Variants in ARL15 observed in about 807,000 individuals in gnomAD.
ARL15 encodes ARF like GTPase 15.
ARL15 carries 19 observed loss-of-function variants against 25.2 expected under a neutral mutation model. The ratio of observed to expected loss-of-function variants is 0.75; its 90% CI spans 0.53 to 1.10. The LOEUF is 1.10. ARL15 is among the 50% of genes least tolerant of loss of function. The pLI is 0.00. For synonymous variants in ARL15, 94 were observed against 86.8 expected, an observed-to-expected ratio of 1.08 and a Z score of -0.46; for missense variants, 220 against 246.0, an observed-to-expected ratio of 0.89 and a Z score of 0.71.
intron 4 of ARL15, among the ~76,000 whole-genome samples, chr5:54,000,492 A>G (rs1748816801): frequency 6.6e-6 from 1 of 152,210 alleles, no homozygotes; most frequent in Non-Finnish European, 1.5e-5. Context: ...AAAGGAGAGA[A>G]TGATGTAACA....
chr5:54,231,848 C>A (rs1756680037), intron 1 of ARL15, among the ~76,000 whole-genome samples: 1 of 152,158 alleles, frequency 6.6e-6, no homozygotes, highest in African/African-American at 2.4e-5. Flanking sequence ...TTTAAGACCT[C>A]ATTTAACCCT....
At chr5:54,238,003 C>T (rs749136596) in intron 1 of ARL15, among the ~76,000 whole-genome samples, 1 of 152,080 alleles carries the variant, frequency 6.6e-6, no homozygotes, top group African/African-American at 2.4e-5. Context: ...TACCAGAGGA[C>T]GTTTACTATA....
intron 4 of ARL15, among the ~76,000 whole-genome samples, chr5:53,986,266 T>C (rs760846881): frequency 6.6e-6 from 1 of 152,190 alleles, no homozygotes; most frequent in Non-Finnish European, 1.5e-5. Context: ...TCAGGCAAGA[T>C]TTTAGAACAA....
intron 1 of ARL15, among the ~76,000 whole-genome samples, chr5:54,239,956 G>A (rs1314122046): frequency 1.3e-5 from 2 of 152,112 alleles, no homozygotes; most frequent in Admixed American, 6.6e-5. Flanking sequence ...GGCCGGGCGC[G>A]GTGGCTCAGG....
At chr5:53,891,949 C>T (rs1744726081) in intron 4 of ARL15, among the ~76,000 whole-genome samples, 1 of 152,184 alleles carries the variant, frequency 6.6e-6, no homozygotes, top group Non-Finnish European at 1.5e-5. Flanking sequence ...ACAACAACAG[C>T]AGTGGTCTGA....
chr5:54,277,638 G>T (rs1757959262), intron 1 of ARL15, among the ~76,000 whole-genome samples: 1 of 152,126 alleles, frequency 6.6e-6, no homozygotes. Flanking sequence ...TGTAGTCCCA[G>T]CTACTCGGGA....
chr5:54,238,230 C>T (rs1381722293), intron 1 of ARL15, among the ~76,000 whole-genome samples: 2 of 152,080 alleles, frequency 1.3e-5, no homozygotes, highest in Non-Finnish European at 2.9e-5. Context: ...CAAAGTCACT[C>T]AATTTTTTAT....
At chr5:54,112,025 ACT>A (rs1752755784) in intron 4 of ARL15, among the ~76,000 whole-genome samples, 1 of 152,004 alleles carries the variant, frequency 6.6e-6, no homozygotes, top group Non-Finnish European at 1.5e-5. Flanking sequence ...TATTTTTCAA[ACT>A]CTATTCTTTA....
chr5:54,123,172 C>A (rs1488947164), intron 3 of ARL15, among the ~76,000 whole-genome samples: 1 of 150,666 alleles, frequency 6.6e-6, no homozygotes, highest in Admixed American at 6.6e-5. Context: ...TGCAATGGTG[C>A]CATCTCGGCT....
chr5:54,078,367 T>C (rs1751678935), intron 4 of ARL15, among the ~76,000 whole-genome samples: 1 of 152,198 alleles, frequency 6.6e-6, no homozygotes, highest in South Asian at 2.1e-4. Context: ...CTGTATATAA[T>C]TCATTGTCCA....
chr5:54,289,363 A>G (rs1234103463), intron 1 of ARL15, among the ~76,000 whole-genome samples: 1 of 120,484 alleles, frequency 8.3e-6, no homozygotes, highest in Non-Finnish European at 1.7e-5. Flanking sequence ...TCCTATGAAG[A>G]AAAAAAAAAA....
chr5:54,104,044 T>C (rs2112187396), intron 4 of ARL15, among the ~76,000 whole-genome samples: 1 of 152,298 alleles, frequency 6.6e-6, no homozygotes, highest in Admixed American at 6.5e-5. Flanking sequence ...AGTATATAGT[T>C]TGTGCAGCTG....
chr5:53,963,495 A>G (rs1242175222), intron 4 of ARL15, among the ~76,000 whole-genome samples: 1 of 152,184 alleles, frequency 6.6e-6, no homozygotes, highest in African/African-American at 2.4e-5. Flanking sequence ...AAAATTCAAG[A>G]ATATAAAATT....
At chr5:53,965,352 C>CTAAA (rs1393940088) in intron 4 of ARL15, among the ~76,000 whole-genome samples, 1 of 152,154 alleles carries the variant, frequency 6.6e-6, no homozygotes, top group African/African-American at 2.4e-5. Flanking sequence ...ATAGTGTAAG[C>CTAAA]ATTTTAAAGA....
intron 1 of ARL15, among the ~76,000 whole-genome samples, chr5:54,174,891 A>G (rs1754819834): frequency 1.3e-5 from 2 of 152,226 alleles, no homozygotes. Context: ...CAACAAAACT[A>G]GTCACACAGT....
chr5:53,886,039 A>G lies in ARL15; in HGVS notation c.*522T>C, dbSNP rs1490456629. On this transcript the variant is annotated 3_prime_UTR_variant, in exon 5 of 5. Transcript: ENST00000504924. ...GTGATTAATGAAGTTTTTGGTGCTC[A>G]CTTTTCTCTCATAGTCTATAAGCTC... 6.6e-6 allele frequency: 1 copy of G among 151,464 alleles called. No individual in the cohort carries two copies. Among genetic ancestry groups the G allele is most frequent in the Non-Finnish European group, 1.5e-5 (1 of 67,936 alleles). The allele number at this position is 151,464 out of a possible 1,614,324, so 9.4% of individuals were successfully genotyped here.
chr5:54,121,867 C>CT (rs1236636963), intron 3 of ARL15, among the ~76,000 whole-genome samples: 1 of 152,102 alleles, frequency 6.6e-6, no homozygotes, highest in Non-Finnish European at 1.5e-5. Flanking sequence ...GATTAAATAA[C>CT]TTTTTTCACA....
intron 4 of ARL15, among the ~76,000 whole-genome samples, chr5:54,029,366 C>CACCACT (rs1561195101): frequency 4.2e-5 from 6 of 141,718 alleles, no homozygotes; most frequent in African/African-American, 1.6e-4. Context: ...CCACCACCAC[C>CACCACT]ACCACCACCA....
intron 4 of ARL15, among the ~76,000 whole-genome samples, chr5:53,923,142 A>C (rs905599538): frequency 2.0e-5 from 3 of 152,202 alleles, no homozygotes; most frequent in African/African-American, 7.2e-5. Context: ...TTGGAGAATG[A>C]CTGCCTCTTC....
Sources: gnomAD v4.1 joint callset for allele counts (sites outside exome capture counted in the v4.1 genomes callset) on GRCh38, gnomAD v4.1.1 for gene constraint, MANE v1.5 for transcripts, NCBI Gene and HGNC (gene_info 2026-07-23, HGNC 2026-07-21) for gene names.